The following DENND1A variants were observed in gnomAD, a reference collection of about 807,000 sequenced individuals.
The protein encoded by DENND1A is DENN domain containing 1A.
Under a neutral mutation model 113.7 loss-of-function variants are expected in DENND1A, and 51 were observed. The ratio of observed to expected loss-of-function variants is 0.45; its 90% CI spans 0.36 to 0.57. The LOEUF is 0.57. DENND1A is among the 20% of genes least tolerant of loss of function. DENND1A has a pLI of 0.00. For missense variants in DENND1A, 1,258 were observed against 1,395.9 expected (o/e 0.90, Z 1.57); for synonymous variants, 565 against 570.8 (o/e 0.99, Z 0.14).
intron 11 of DENND1A, among the ~76,000 whole-genome samples, chr9:123,594,489 G>A (rs2059599142): frequency 1.3e-5 from 2 of 151,872 alleles, no homozygotes; most frequent in Non-Finnish European, 2.9e-5. Flanking sequence ...CCAAGGCATG[G>A]CATTATTTGC....
intron 8 of DENND1A, among the ~76,000 whole-genome samples, chr9:123,662,585 T>C (rs1460307556): frequency 6.6e-6 from 1 of 152,166 alleles, no homozygotes; most frequent in African/African-American, 2.4e-5. Flanking sequence ...AGAGTTATTT[T>C]TAGTCATGCT....
At chr9:123,717,937 A>G (rs1293331886) in intron 5 of DENND1A, among the ~76,000 whole-genome samples, 1 of 152,160 alleles carries the variant, frequency 6.6e-6, no homozygotes, top group East Asian at 1.9e-4. Flanking sequence ...AACTCTTAAC[A>G]ACTCTCCCAT....
At chr9:123,588,639 G>GT (rs983716413) in intron 11 of DENND1A, among the ~76,000 whole-genome samples, 1 of 132,596 alleles carries the variant, frequency 7.5e-6, no homozygotes, top group African/African-American at 2.7e-5. Context: ...AAAAAGGGGG[G>GT]GGGGGAAGAG....
intron 19 of DENND1A, among the ~76,000 whole-genome samples, chr9:123,434,829 T>C (rs1398368173): frequency 6.6e-6 from 1 of 152,138 alleles, no homozygotes; most frequent in African/African-American, 2.4e-5. Context: ...AGTAAGTGCA[T>C]GCTTACAGTG....
chr9:123,504,223 C>T (rs556473878), intron 13 of DENND1A, among the ~76,000 whole-genome samples: 51 of 152,316 alleles, frequency 3.3e-4, no homozygotes, highest in Non-Finnish European at 6.6e-4. Flanking sequence ...TGCACTCGCC[C>T]TTCGAGGTCC....
At chr9:123,718,924 G>C (rs1002372280) in intron 5 of DENND1A, among the ~76,000 whole-genome samples, 1 of 152,170 alleles carries the variant, frequency 6.6e-6, no homozygotes, top group Admixed American at 6.5e-5. Context: ...GATGGACCCG[G>C]TGGGAGATAA....
intron 13 of DENND1A, among the ~76,000 whole-genome samples, chr9:123,550,751 A>C (rs2135864086): frequency 6.6e-6 from 1 of 152,360 alleles, no homozygotes; most frequent in African/African-American, 2.4e-5. Flanking sequence ...ATTGTTTAAA[A>C]AATTCTTTCG....
At chr9:123,463,095 C>G (rs1245215647) in intron 13 of DENND1A, among the ~76,000 whole-genome samples, 3 of 152,210 alleles carry the variant, frequency 2.0e-5, no homozygotes, top group African/African-American at 7.2e-5. Context: ...AGCCCTTTGT[C>G]TTCTTAGGTG....
chr9:123,593,903 G>C (rs1461798529), intron 11 of DENND1A, among the ~76,000 whole-genome samples: 1 of 152,066 alleles, frequency 6.6e-6, no homozygotes, highest in Non-Finnish European at 1.5e-5. Context: ...TTGTGATGGT[G>C]AGTGAGTTCT....
At chr9:123,812,900 G>T (rs1021725019) in intron 2 of DENND1A, among the ~76,000 whole-genome samples, 1 of 152,060 alleles carries the variant, frequency 6.6e-6, no homozygotes, top group Non-Finnish European at 1.5e-5. Context: ...CAAAGTTTCA[G>T]ATTTTAGTGT....
chr9:123,921,710 A>G (rs1381971849), intron 1 of DENND1A, among the ~76,000 whole-genome samples: 1 of 152,242 alleles, frequency 6.6e-6, no homozygotes, highest in Non-Finnish European at 1.5e-5. Context: ...TTCTCAATGC[A>G]GACTAAAATG....
chr9:123,587,358 G>A (rs547118165), intron 11 of DENND1A, among the ~76,000 whole-genome samples: 1 of 152,256 alleles, frequency 6.6e-6, no homozygotes, highest in South Asian at 2.1e-4. Flanking sequence ...CAATCTTTCC[G>A]TAACCTATGA....
intron 13 of DENND1A, among the ~76,000 whole-genome samples, chr9:123,495,087 T>C (rs1230842061): frequency 6.6e-6 from 1 of 151,538 alleles, no homozygotes; most frequent in Non-Finnish European, 1.5e-5. Context: ...CCACTGCACC[T>C]GGCCTTTTGT....
chr9:123,711,505 GTATATATGTA>G (rs1233226837), intron 5 of DENND1A, among the ~76,000 whole-genome samples: 14 of 62,564 alleles, frequency 2.2e-4, no homozygotes, highest in Admixed American at 5.5e-4. Context: ...ATATATATAT[GTATATATGTA>G]TATATATATA....
chr9:123,698,102 A>C (rs1311923576), intron 5 of DENND1A, among the ~76,000 whole-genome samples: 3 of 152,198 alleles, frequency 2.0e-5, no homozygotes, highest in Non-Finnish European at 4.4e-5. Context: ...TGCTCATTAG[A>C]GAAAAGAAGC....
chr9:123,642,033 G>A (rs1180716678), intron 9 of DENND1A, among the ~76,000 whole-genome samples: 1 of 152,168 alleles, frequency 6.6e-6, no homozygotes, highest in Non-Finnish European at 1.5e-5. Flanking sequence ...AGGCAGGAGA[G>A]GAAGGTAAGA....
chr9:123,720,970 A>C (rs1026000387), intron 5 of DENND1A, among the ~76,000 whole-genome samples: 1 of 152,222 alleles, frequency 6.6e-6, no homozygotes, highest in African/African-American at 2.4e-5. Flanking sequence ...GAAAAGCAGA[A>C]CTTTCAGATT....
At chr9:123,706,926 T>C (rs1420031531) in intron 5 of DENND1A, among the ~76,000 whole-genome samples, 1 of 151,814 alleles carries the variant, frequency 6.6e-6, no homozygotes, top group Non-Finnish European at 1.5e-5. Flanking sequence ...GAAGCTGAAT[T>C]TTGGATGTGT....
intron 13 of DENND1A, among the ~76,000 whole-genome samples, chr9:123,516,672 G>A (rs909803255): frequency 6.6e-6 from 1 of 151,874 alleles, no homozygotes; most frequent in Non-Finnish European, 1.5e-5. Context: ...CAGATCACGA[G>A]GTCAGGAGAT....
Sources: allele counts gnomAD v4.1 joint callset (sites outside exome capture counted in the v4.1 genomes callset), GRCh38; gene constraint gnomAD v4.1.1; transcripts MANE v1.5; gene names NCBI Gene and HGNC (gene_info 2026-07-23, HGNC 2026-07-21).